The following TTC28 variants were observed in gnomAD, a reference collection of about 807,000 sequenced individuals.
TTC28 encodes the protein tetratricopeptide repeat protein 28.
Under a neutral mutation model 198.0 loss-of-function variants are expected in TTC28, and 61 were observed. The ratio of observed to expected loss-of-function variants is 0.31; its 90% CI spans 0.25 to 0.38. The LOEUF is 0.38. TTC28 is among the 10% of genes least tolerant of loss of function. The probability of loss-of-function intolerance (pLI) is 1.00; values close to 1 mark genes in which losing one functional copy is unlikely to be tolerated. For missense variants in TTC28, 2,678 were observed against 3,164.0 expected (o/e 0.85, Z 3.69); for synonymous variants, 1,171 against 1,297.8 (o/e 0.90, Z 2.10).
intron 12 of TTC28, among the ~76,000 whole-genome samples, chr22:28,068,757 T>C (rs776574920): frequency 6.6e-6 from 1 of 152,214 alleles, no homozygotes; most frequent in Non-Finnish European, 1.5e-5. Context: ...ATTTCTTTCA[T>C]GATGTGGCTT....
chr22:28,567,491 T>TATATATATATACATAC (rs1307384796), intron 2 of TTC28, among the ~76,000 whole-genome samples: 1 of 119,864 alleles, frequency 8.3e-6, no homozygotes, highest in Non-Finnish European at 1.7e-5. Context: ...TATATATATA[T>TATATATATATACATAC]ATATATATAT....
intron 8 of TTC28, among the ~76,000 whole-genome samples, chr22:28,104,481 A>C (rs1438542873): frequency 6.6e-6 from 1 of 152,200 alleles, no homozygotes; most frequent in Non-Finnish European, 1.5e-5. Flanking sequence ...CCAGTGAGCT[A>C]TCTGCCCTTT....
intron 2 of TTC28, among the ~76,000 whole-genome samples, chr22:28,439,315 T>G (rs2047576702): frequency 6.6e-6 from 1 of 152,058 alleles, no homozygotes; most frequent in Non-Finnish European, 1.5e-5. Context: ...AATTCAGAGG[T>G]GGGTAAAATC....
At chr22:28,199,367 C>T (rs191751198) in intron 5 of TTC28, among the ~76,000 whole-genome samples, 1 of 131,356 alleles carries the variant, frequency 7.6e-6, no homozygotes, top group Non-Finnish European at 1.6e-5. Context: ...AAGTATAATG[C>T]CACTTACATT....
At chr22:28,567,036 G>A (rs1021725136) in intron 2 of TTC28, among the ~76,000 whole-genome samples, 5 of 152,210 alleles carry the variant, frequency 3.3e-5, no homozygotes, top group Middle Eastern at 3.4e-3. Flanking sequence ...TCAACATGGC[G>A]AAATGCCATC....
intron 2 of TTC28, among the ~76,000 whole-genome samples, chr22:28,529,418 C>A (rs34320674): frequency 0.033 from 4,977 of 152,290 alleles, 106 homozygotes; most frequent in Middle Eastern, 0.065. Flanking sequence ...GAAGCTCAAA[C>A]TGGGTGGAGT....
At chr22:28,359,719 A>T (rs2046130070) in intron 2 of TTC28, among the ~76,000 whole-genome samples, 1 of 152,192 alleles carries the variant, frequency 6.6e-6, no homozygotes, top group Non-Finnish European at 1.5e-5. Context: ...GTTGGTAACA[A>T]GAGAAGCTGT....
At chr22:28,344,882 T>C (rs915503610) in intron 2 of TTC28, among the ~76,000 whole-genome samples, 2 of 152,178 alleles carry the variant, frequency 1.3e-5, no homozygotes, top group East Asian at 3.8e-4. Flanking sequence ...GAGCAGATCT[T>C]TACATATCAG....
chr22:28,067,917 T>C (rs1313814361), intron 12 of TTC28, among the ~76,000 whole-genome samples: 1 of 152,216 alleles, frequency 6.6e-6, no homozygotes, highest in East Asian at 1.9e-4. Flanking sequence ...AGATTTATCC[T>C]GGAATCTACG....
At chr22:28,151,538 A>G (rs1347978420) in intron 6 of TTC28, among the ~76,000 whole-genome samples, 3 of 152,216 alleles carry the variant, frequency 2.0e-5, no homozygotes, top group African/African-American at 7.2e-5. Context: ...CAATGTCTAG[A>G]CAAGCTGGGT....
At chr22:28,035,787 T>C (rs1939315675) in intron 12 of TTC28, among the ~76,000 whole-genome samples, 1 of 152,184 alleles carries the variant, frequency 6.6e-6, no homozygotes, top group Admixed American at 6.5e-5. Flanking sequence ...TTAGTAAACT[T>C]TTAAGACGAA....
intron 2 of TTC28, among the ~76,000 whole-genome samples, chr22:28,549,532 A>C (rs2049618383): frequency 6.6e-6 from 1 of 152,186 alleles, no homozygotes; most frequent in East Asian, 1.9e-4. Flanking sequence ...TAAACTATAA[A>C]AACAAACAGT....
intron 12 of TTC28, among the ~76,000 whole-genome samples, chr22:28,061,745 T>A (rs1197388358): frequency 2.0e-5 from 3 of 152,228 alleles, no homozygotes; most frequent in African/African-American, 7.2e-5. Context: ...TTTTTTCCAA[T>A]TCTGTGAAGA....
intron 5 of TTC28, among the ~76,000 whole-genome samples, chr22:28,244,692 G>T (rs1470203007): frequency 1.3e-5 from 2 of 152,112 alleles, no homozygotes; most frequent in East Asian, 3.9e-4. Flanking sequence ...GCTTCCAGGG[G>T]CTTTTGATCC....
chr22:27,996,281 A>C (rs1008191455), intron 16 of TTC28, 22 bp from the exon 17 acceptor site: 1 of 1,548,146 alleles, frequency 6.5e-7, no homozygotes, highest in African/African-American at 1.4e-5. Context: ...AAAGGAGGGC[A>C]CCTCAGCAGG....
At chr22:28,265,193 C>A (rs1931601852) in intron 5 of TTC28, among the ~76,000 whole-genome samples, 1 of 152,138 alleles carries the variant, frequency 6.6e-6, no homozygotes, top group African/African-American at 2.4e-5. Flanking sequence ...ATATTTTACA[C>A]AATTAATAGA....
At chr22:28,660,432 T>A (rs1444837433) in intron 1 of TTC28, among the ~76,000 whole-genome samples, 1 of 151,688 alleles carries the variant, frequency 6.6e-6, no homozygotes, top group Non-Finnish European at 1.5e-5. Flanking sequence ...TTCAAGTGAT[T>A]CTTCTGCCTC....
At chr22:28,094,513 C>T (rs991845154) in intron 11 of TTC28, among the ~76,000 whole-genome samples, 1 of 152,168 alleles carries the variant, frequency 6.6e-6, no homozygotes, top group Non-Finnish European at 1.5e-5. Flanking sequence ...GGAATTATGA[C>T]TACTTCATAT....
At chr22:28,561,860 C>T (rs1179379578) in intron 2 of TTC28, among the ~76,000 whole-genome samples, 2 of 152,050 alleles carry the variant, frequency 1.3e-5, no homozygotes, top group Non-Finnish European at 2.9e-5. Context: ...ATCTCCTTGC[C>T]ATATTTTCTT....
Sources: allele counts gnomAD v4.1 joint callset (sites outside exome capture counted in the v4.1 genomes callset), GRCh38; gene constraint gnomAD v4.1.1; transcripts MANE v1.5; gene names NCBI Gene and HGNC (gene_info 2026-07-23, HGNC 2026-07-21).